The following CD82 variants were observed in gnomAD, a reference collection of about 807,000 sequenced individuals.
CD82 encodes the protein CD82 molecule.
In CD82, 36 loss-of-function variants were observed where a neutral mutation model predicts 37.4. The ratio of observed to expected loss-of-function variants is 0.96; its 90% CI spans 0.74 to 1.27. The LOEUF is 1.27. Ranked by LOEUF, CD82 falls within the 50% of genes most tolerant of loss-of-function variation. The pLI, the probability that CD82 is intolerant of heterozygous loss-of-function variation, is 0.00. For missense variants in CD82, 340 were observed against 347.0 expected (o/e 0.98, Z 0.16); for synonymous variants, 158 against 137.4 (o/e 1.15, Z -1.05).
At chr11:44,599,498 C>A (rs1853276273) in intron 3 of CD82, among the ~76,000 whole-genome samples, 1 of 152,250 alleles carries the variant, frequency 6.6e-6, no homozygotes, top group African/African-American at 2.4e-5. Context: ...CTCATTCATT[C>A]CCCCAGCCAC....
chr11:44,599,334 A>G (rs1177141097), intron 3 of CD82, among the ~76,000 whole-genome samples: 1 of 152,130 alleles, frequency 6.6e-6, no homozygotes, highest in Non-Finnish European at 1.5e-5. Context: ...TGTAGAGTCA[A>G]GGTCTCACTG....
At position 44,597,595 on chromosome 11, in the gene CD82, G is replaced by A. The variant is rs1214947029; in HGVS notation, c.64-2563G>A. Reference sequence around the variant, plus strand: ...TTGCTCTCTGGGTTCCTCTTGGCAAGCTGAGGAGCCAGCTGAGTAGTGTGG... The same window carrying A: ...TTGCTCTCTGGGTTCCTCTTGGCAAACTGAGGAGCCAGCTGAGTAGTGTGG... On this transcript the variant is annotated intron_variant, in intron 3 of 9. Coordinates refer to ENST00000227155, the MANE Select transcript of CD82 (RefSeq NM_002231.4). The surrounding 1 kb of genome is among the most constrained non-coding windows in gnomAD (Gnocchi z 4.1). Among the ~76,000 whole-genome samples the A allele has an allele frequency of 6.6e-6, 1 of 152,262 alleles. No homozygotes were observed. The highest frequency in any genetic ancestry group is 1.5e-5 in the Non-Finnish European group (1 of 68,040).
chr11:44,618,400 C>T lies in CD82; in HGVS notation c.642+35C>T, dbSNP rs143495337. The T allele has an allele frequency of 1.3e-3, 2,134 of 1,585,918 alleles. 27 individuals are homozygous for T. In the African/African-American group the frequency reaches 0.023, roughly 17 times the overall value. On this transcript the variant is annotated intron_variant, in intron 8 of 9. Transcript: ENST00000227155. ...GGGCTGCGGATCGGGGGCGGGGCTC[C>T]GAGGGCGTTGGGGGCCATCTGGGCT...
At chr11:44,588,272 G>A (rs1441737311) in intron 2 of CD82, among the ~76,000 whole-genome samples, 1 of 150,310 alleles carries the variant, frequency 6.7e-6, no homozygotes, top group Non-Finnish European at 1.5e-5. Flanking sequence ...CACCCAGGCT[G>A]GAGTGCAGAG....
chr11:44,597,537 T>C lies in CD82; in HGVS notation c.64-2621T>C, dbSNP rs948549815. 2.0e-5 allele frequency among the ~76,000 whole-genome samples: 3 copies of C among 152,258 alleles called. No homozygotes were observed. Among genetic ancestry groups the C allele is most frequent in the Non-Finnish European group, 4.4e-5 (3 of 68,034 alleles). ...ACCATCAGGCTGGGGTCATCAGACCTACAGAGGGACTGAATGGGTAGCCCC... is the reference window on the plus strand; with the variant it reads ...ACCATCAGGCTGGGGTCATCAGACCCACAGAGGGACTGAATGGGTAGCCCC... On this transcript the variant is annotated intron_variant, in intron 3 of 9. Coordinates refer to ENST00000227155, the MANE Select transcript of CD82 (RefSeq NM_002231.4). This position sits in a 1 kb window ranked among gnomAD's most constrained non-coding sequence, Gnocchi z 4.1.
At chr11:44,604,787 T>C (rs577169736) in intron 4 of CD82, 375 of 498,808 alleles carry the variant, frequency 7.5e-4, no homozygotes, top group Non-Finnish European at 1.0e-3. Flanking sequence ...ATGTAGTCTA[T>C]TCAATCCTGA....
chr11:44,617,416 G>A (rs1339099956), intron 7 of CD82, among the ~76,000 whole-genome samples: 1 of 152,002 alleles, frequency 6.6e-6, no homozygotes, highest in Non-Finnish European at 1.5e-5. Flanking sequence ...AACATTAGCC[G>A]GGCGTGATGG....
chr11:44,565,875 G>A (rs980662019), intron 1 of CD82, 139 bp downstream of exon 1: 1 of 152,276 alleles, frequency 6.6e-6, no homozygotes, highest in East Asian at 1.9e-4. Context: ...TGGGTGAAAA[G>A]GAGCTTTAGC....
intron 3 of CD82, chr11:44,596,999 G>T (rs1362708970): frequency 2.2e-6 from 1 of 456,136 alleles, no homozygotes; most frequent in Non-Finnish European, 4.4e-6. Flanking sequence ...GGTTCTGGGT[G>T]TGGCTTTGGA....
chr11:44,587,161 G>C (rs1406875427), intron 1 of CD82: 1 of 340,014 alleles, frequency 2.9e-6, no homozygotes, highest in Non-Finnish European at 5.8e-6. Flanking sequence ...GGTGTTTAGG[G>C]AGGGCCTTTG....
At chr11:44,611,121 C>T (rs1565094094) in intron 6 of CD82, among the ~76,000 whole-genome samples, 1 of 152,204 alleles carries the variant, frequency 6.6e-6, no homozygotes, top group Non-Finnish European at 1.5e-5. Context: ...ACGTGTGAGC[C>T]ACCACGCCCA....
chr11:44,601,711 A>T (rs1470003694), intron 4 of CD82, among the ~76,000 whole-genome samples: 1 of 152,052 alleles, frequency 6.6e-6, no homozygotes, highest in Non-Finnish European at 1.5e-5. Context: ...AAGGTCTACT[A>T]TCTGCAGGAG....
chr11:44,603,190 A>G (rs1853332953), intron 4 of CD82, among the ~76,000 whole-genome samples: 1 of 151,972 alleles, frequency 6.6e-6, no homozygotes, highest in South Asian at 2.1e-4. Context: ...AGATCCCCGC[A>G]CTCACCCTGA....
At position 44,596,962 on chromosome 11, in the gene CD82, T is replaced by C. The variant is rs372664680; in HGVS notation, c.63+2237T>C. On this transcript the variant is annotated intron_variant, in intron 3 of 9. Coordinates refer to ENST00000227155, the MANE Select transcript of CD82 (RefSeq NM_002231.4). ...AAAGCAGATGAGGCTCTTGGCCTGG[T>C]CATGGAGGTCAGCAAAGGCTTCCTG... The C allele has an allele frequency of 1.2e-4, 57 of 456,144 alleles. No individual in the cohort carries two copies. The East Asian group carries it at 2.4e-3, about 19-fold the overall frequency. 28.3% of individuals were successfully genotyped at this position (456,144 alleles called of 1,614,324 possible). A position where few individuals can be genotyped will look rare whatever the true frequency, so the allele number is the denominator to read the frequency against.
In CD82 at chr11:44,597,106, G is replaced by A. The variant is rs1304522783; in HGVS notation, c.63+2381G>A. ...CTGCCTCTTTGTTTTATGCACATTG[G>A]GAGGGGTTTCGTGGTTGGATTTGTG... On this transcript the variant is annotated intron_variant, in intron 3 of 9. Coordinates refer to ENST00000227155, the MANE Select transcript of CD82 (RefSeq NM_002231.4). This position sits in a 1 kb window ranked among gnomAD's most constrained non-coding sequence, Gnocchi z 4.1. The A allele has an allele frequency of 2.2e-6, 1 of 444,650 alleles. No individual in the cohort carries two copies. The highest frequency in any genetic ancestry group is 7.0e-5 in the East Asian group (1 of 14,188). 27.5% of individuals were successfully genotyped at this position (444,650 alleles called of 1,614,324 possible).
rs905555338 is a variant in CD82 at position 44,605,338 on chromosome 11, C to G, written c.262-17C>G. ...CGGGGACCCTCAGCTGACTTTGTGC[C>G]TGCTCTGTGTCCCCAGTACTTTGCT... On this transcript the variant is annotated splice_polypyrimidine_tract_variant and intron_variant, in intron 5 of 9. Transcript: ENST00000227155. 6.2e-7 allele frequency: 1 copy of G among 1,613,990 alleles called. No individual in the cohort carries two copies. Among genetic ancestry groups the G allele is most frequent in the East Asian group, 2.2e-5 (1 of 44,892 alleles).
intron 1 of CD82, among the ~76,000 whole-genome samples, chr11:44,569,826 C>T (rs1852789793): frequency 6.6e-6 from 1 of 151,970 alleles, no homozygotes; most frequent in Admixed American, 6.6e-5. Flanking sequence ...TCGGCCCTGC[C>T]AATTTCTGGC....
intron 7 of CD82, among the ~76,000 whole-genome samples, chr11:44,617,560 G>GAAAAAAAAAAAAAAAAA (rs35015542): frequency 1.1e-5 from 1 of 88,658 alleles, no homozygotes. Context: ...CTCTGTCTCA[G>GAAAAAAAAAAAAAAAAA]AAAAAAAAAA....
chr11:44,585,116 C>A, intron 1 of CD82: 3 of 448,298 alleles, frequency 6.7e-6, no homozygotes, highest in South Asian at 4.7e-5. Flanking sequence ...CCTTAGGCAG[C>A]CCAGCCTGGT....
Sources: allele counts gnomAD v4.1 joint callset (sites outside exome capture counted in the v4.1 genomes callset), GRCh38; gene constraint gnomAD v4.1.1; non-coding constraint Gnocchi (gnomAD v3.1); transcripts MANE v1.5; gene names NCBI Gene and HGNC (gene_info 2026-07-23, HGNC 2026-07-21).